RPAIN: variants seen among roughly 807,000 people sequenced by gnomAD.
The protein encoded by RPAIN is RPA interacting protein.
RPAIN carries 29 observed loss-of-function variants against 30.5 expected under a neutral mutation model. That is an observed-to-expected ratio of 0.95 (90% CI 0.71 to 1.30). RPAIN has a LOEUF of 1.30. Ranked by LOEUF, RPAIN falls within the 50% of genes most tolerant of loss-of-function variation. The probability of loss-of-function intolerance (pLI) is 0.00; values close to 1 mark genes in which losing one functional copy is unlikely to be tolerated. For missense variants in RPAIN, 247 were observed against 264.7 expected (o/e 0.93, Z 0.46); for synonymous variants, 101 against 93.5 (o/e 1.08, Z -0.46).
At position 5,422,814 on chromosome 17, in the gene RPAIN, G is replaced by A; in HGVS notation, c.298G>A (p.Glu100Lys). Residue 100 changes from glutamate to lysine, a missense_variant, in exon 3 of 7, where the codon GAG (glutamate) becomes AAG (lysine). By Grantham distance (56) the Glu-to-Lys change is moderately conservative. Transcript: ENST00000381209. ...DMAVLEEIQQ[E>K]LINQEQSIIS... ...GGCTGTGCTGGAGGAAATTCAACAG[G>A]AGCTGATCAACCAAGGTAACCCCTA... The A allele has an allele frequency of 6.2e-7, 1 of 1,612,632 alleles. No individual in the cohort carries two copies. The highest frequency in any genetic ancestry group is 8.5e-7 in the Non-Finnish European group (1 of 1,178,962).
intron 5 of RPAIN, chr17:5,427,856 G>T: frequency 1.7e-6 from 1 of 574,278 alleles, no homozygotes; most frequent in South Asian, 2.0e-5. Context: ...GTGTTTGACA[G>T]CAGGAGTAGA....
rs149700886 is a variant in RPAIN, at chr17:5,420,219, G to A, written c.9G>A (p.Glu3=). ...TCTCCCGCGAAGAGGAGATGGCGGA[G>A]TCGTTGAGGTCTCCGCGCCGCTCCC... MA[E]SLRSPRRSLY... Residue 3 remains glutamate, a synonymous_variant, in exon 1 of 7, where the codon GAG becomes GAA. Coordinates refer to ENST00000381209, the MANE Select transcript of RPAIN (RefSeq NM_001033002.4). 2.5e-6 allele frequency: 4 copies of A among 1,613,726 alleles called. No homozygotes were observed. The highest frequency in any genetic ancestry group is 8.5e-7 in the Non-Finnish European group (1 of 1,180,006).
At chr17:5,425,944 A>G in intron 3 of RPAIN, 27 bp from the exon 4 acceptor site, 1 of 1,461,316 alleles carries the variant, frequency 6.8e-7, no homozygotes, top group Admixed American at 1.7e-5. Flanking sequence ...AGCATGGTGA[A>G]GCCCTCCAAC....
intron 3 of RPAIN, among the ~76,000 whole-genome samples, chr17:5,424,049 G>GTAA (rs1379952327): frequency 2.0e-5 from 3 of 148,786 alleles, no homozygotes; most frequent in Non-Finnish European, 4.4e-5. Context: ...GTGCAGTGAT[G>GTAA]TAATCATGGC....
rs140694881 is a variant in RPAIN at position 5,429,265 on chromosome 17, A to C, written c.630+1054A>C. On this transcript the variant is annotated intron_variant, in intron 6 of 6. Coordinates refer to ENST00000381209, the MANE Select transcript of RPAIN (RefSeq NM_001033002.4). ...ATTTAACTTGGCCTTGAAGCATGGAATCGATCTGGACAGACATGGAGATCT... is the reference window on the plus strand; with the variant it reads ...ATTTAACTTGGCCTTGAAGCATGGACTCGATCTGGACAGACATGGAGATCT... The C allele has an allele frequency of 1.3e-5, 13 of 985,448 alleles. No individual in the cohort carries two copies. The East Asian group carries it at 1.4e-3, about 103-fold the overall frequency. The allele number at this position is 985,448 out of a possible 1,614,324, so 61.0% of individuals were successfully genotyped here. A position where few individuals can be genotyped will look rare whatever the true frequency, so the allele number is the denominator to read the frequency against.
At chr17:5,426,385 C>G in intron 5 of RPAIN, 86 bp downstream of exon 5, 1 of 1,148,614 alleles carries the variant, frequency 8.7e-7, no homozygotes, top group Non-Finnish European at 1.3e-6. Context: ...ACTTGGAGCC[C>G]ATTGTGCATA....
intron 5 of RPAIN, 99 bp from the exon 6 acceptor site, chr17:5,427,972 C>A: frequency 2.5e-6 from 3 of 1,192,950 alleles, no homozygotes; most frequent in Non-Finnish European, 3.7e-6. Context: ...CAAGCCATCA[C>A]AGTGAGCCAC....
At chr17:5,422,712 G>T (rs1019492587) in intron 2 of RPAIN, 57 bp from the exon 3 acceptor site, 8 of 1,509,738 alleles carry the variant, frequency 5.3e-6, no homozygotes, top group Non-Finnish European at 7.4e-6. Context: ...GAATCACTGT[G>T]GGGCTTGGTT....
rs989375439 is a variant in RPAIN, at chr17:5,425,367, G to A, written c.314-604G>A. On this transcript the variant is annotated intron_variant, in intron 3 of 6. Transcript: ENST00000381209. Reference sequence around the variant, plus strand: ...TTTTTTTTTTTTGACACAGAGTCTCGCTCTGTCACTCAGGCTGGAGTGCAG... The same window carrying A: ...TTTTTTTTTTTTGACACAGAGTCTCACTCTGTCACTCAGGCTGGAGTGCAG... 5 of 452,394 alleles carry A rather than the reference G, an allele frequency of 1.1e-5. No individual in the cohort carries two copies. The Middle Eastern group carries it at 9.9e-4, about 89-fold the overall frequency. 28.0% of individuals were successfully genotyped at this position (452,394 alleles called of 1,614,324 possible). A position where few individuals can be genotyped will look rare whatever the true frequency, so the allele number is the denominator to read the frequency against.
intron 6 of RPAIN, chr17:5,429,097 A>C: frequency 1.0e-6 from 1 of 985,364 alleles, no homozygotes; most frequent in Non-Finnish European, 1.2e-6. Context: ...TGAGAAATAC[A>C]CATCTCTCAC....
intron 6 of RPAIN, chr17:5,428,623 G>A: frequency 1.1e-6 from 1 of 878,432 alleles, no homozygotes; most frequent in Non-Finnish European, 1.5e-6. Flanking sequence ...TTTTACAGAG[G>A]TCCAAGGGCT....
intron 3 of RPAIN, among the ~76,000 whole-genome samples, chr17:5,424,653 C>T (rs62072695): frequency 0.038 from 5,853 of 152,262 alleles, 185 homozygotes; most frequent in East Asian, 0.12. Context: ...CCGACCAAAG[C>T]ACTTAATTTC....
intron 2 of RPAIN, 197 bp downstream of exon 2, chr17:5,421,663 G>A (rs758228403): frequency 1.1e-4 from 51 of 451,614 alleles, no homozygotes; most frequent in Non-Finnish European, 1.6e-4. Context: ...ATACCAGACC[G>A]TAGACCTGCT....
intron 6 of RPAIN, chr17:5,429,292 G>A: frequency 1.0e-6 from 1 of 985,498 alleles, no homozygotes; most frequent in South Asian, 4.7e-5. Flanking sequence ...TGGAGATCTG[G>A]TGAGTTGTGG....
intron 6 of RPAIN, chr17:5,428,708 A>G (rs1915639147): frequency 1.0e-6 from 1 of 985,546 alleles, no homozygotes; most frequent in Non-Finnish European, 1.2e-6. Flanking sequence ...CTGTCTTAGA[A>G]GCGTGCTATA....
At chr17:5,431,138 G>A (rs1915870805) in intron 6 of RPAIN, 2 of 314,446 alleles carry the variant, frequency 6.4e-6, no homozygotes, top group Non-Finnish European at 1.2e-5. Flanking sequence ...CCGGCTCTGG[G>A]GTGGGCAGGA....
At chr17:5,428,726 A>G (rs1915641433) in intron 6 of RPAIN, 1 of 1,012,220 alleles carries the variant, frequency 9.9e-7, no homozygotes. Flanking sequence ...ATAGGAACCA[A>G]TATCTCTTAT....
intron 3 of RPAIN, among the ~76,000 whole-genome samples, chr17:5,424,195 C>T (rs1228570406): frequency 6.6e-6 from 1 of 151,876 alleles, no homozygotes; most frequent in Non-Finnish European, 1.5e-5. Context: ...CACTGTGTTG[C>T]CCAGGCTGGT....
intron 5 of RPAIN, 22 bp from the exon 6 acceptor site, chr17:5,428,049 G>A (rs1275428164): frequency 3.7e-6 from 6 of 1,613,604 alleles, no homozygotes; most frequent in Non-Finnish European, 5.1e-6. Context: ...CTGAGAGGAG[G>A]TTGAACTTTT....
Sources: allele counts gnomAD v4.1 joint callset (sites outside exome capture counted in the v4.1 genomes callset), GRCh38; gene constraint gnomAD v4.1.1; transcripts MANE v1.5; gene names NCBI Gene and HGNC (gene_info 2026-07-23, HGNC 2026-07-21).